Variants in VEPH1 observed in about 807,000 individuals in gnomAD.
The protein encoded by VEPH1 is ventricular zone-expressed PH domain-containing protein homolog 1.
A neutral mutation model predicts 85.2 loss-of-function variants in VEPH1; 80 were observed. The observed-to-expected ratio is 0.94, with a 90% CI of 0.78 to 1.13. The LOEUF (loss-of-function observed/expected upper bound fraction) is 1.13, where lower values mean the gene tolerates loss of function less well. Among genes scored for constraint, VEPH1 ranks in the 50% most tolerant of loss-of-function variants. VEPH1 has a pLI of 0.00. For missense variants in VEPH1, 955 were observed against 980.5 expected, an observed-to-expected ratio of 0.97 and a Z score of 0.35; for synonymous variants, 297 against 348.0, an observed-to-expected ratio of 0.85 and a Z score of 1.63.
intron 9 of VEPH1, among the ~76,000 whole-genome samples, chr3:157,332,325 C>T (rs1187026022): frequency 1.3e-5 from 2 of 152,154 alleles, no homozygotes. Context: ...CACCTATCAC[C>T]ACTATCTAGT....
Position 157,441,802 on chromosome 3 carries a change from TC to T in VEPH1, c.530-13315del, listed in dbSNP as rs1287965787. Reference sequence around the variant, plus strand: ...TCCAGCCTGGGTGACAGAGTGAGACTCTGTCTCAAAAAAAAAAAAAAATGTA... The same window carrying T: ...TCCAGCCTGGGTGACAGAGTGAGACTTGTCTCAAAAAAAAAAAAAAATGTA... On this transcript the variant is annotated intron_variant, in intron 4 of 13. Coordinates refer to ENST00000362010, the MANE Select transcript of VEPH1 (RefSeq NM_001167912.2). Among the ~76,000 whole-genome samples the T allele has an allele frequency of 2.1e-5, 3 of 142,724 alleles. No individual in the cohort carries two copies. In the East Asian group the frequency reaches 6.1e-4, roughly 29 times the overall value. 93.6% of individuals were successfully genotyped at this position (142,724 alleles called of 152,430 possible).
chr3:157,460,251 A>C lies in VEPH1; in HGVS notation c.459T>G (p.Ser153=), dbSNP rs374309031. 29 of 1,614,092 alleles carry C rather than the reference A, an allele frequency of 1.8e-5. 1 individual carries two copies. In the African/African-American group the frequency reaches 3.7e-4, roughly 21 times the overall value. The part of the protein sequence containing the change: ...ELCRNMSNYL[S]LAAITKADLL... Reference sequence around the variant, plus strand: ...GATCTGCCTTGGTAATTGCAGCCAGAGACAGGTAGTTAGACATATTCCTGC... The same window carrying C: ...GATCTGCCTTGGTAATTGCAGCCAGCGACAGGTAGTTAGACATATTCCTGC... Residue 153 remains serine (S), a synonymous_variant, in exon 4 of 14, where the codon TCT becomes TCG. Coordinates refer to ENST00000362010, the MANE Select transcript of VEPH1 (RefSeq NM_001167912.2).
intron 2 of VEPH1, among the ~76,000 whole-genome samples, chr3:157,494,337 GC>G (rs141846644): frequency 0.046 from 6,988 of 152,208 alleles, 532 homozygotes; most frequent in African/African-American, 0.16. Context: ...GAGTGTCTGT[GC>G]CAAGTGTTGG....
At chr3:157,363,230 T>G in intron 9 of VEPH1, 134 bp downstream of exon 9, 1 of 810,098 alleles carries the variant, frequency 1.2e-6, no homozygotes, top group Non-Finnish European at 1.9e-6. Flanking sequence ...TAACATAATG[T>G]AAGGTATTTA....
chr3:157,296,591 C>T (rs930043174), intron 11 of VEPH1, among the ~76,000 whole-genome samples: 1 of 152,190 alleles, frequency 6.6e-6, no homozygotes, highest in African/African-American at 2.4e-5. Flanking sequence ...ATAAACAGGT[C>T]TAAAGTACTA....
chr3:157,342,624 A>G (rs1375883102), intron 9 of VEPH1, among the ~76,000 whole-genome samples: 1 of 152,228 alleles, frequency 6.6e-6, no homozygotes, highest in Non-Finnish European at 1.5e-5. Context: ...TAAACGAGAC[A>G]GAAAGTTAAC....
At chr3:157,301,678 T>G (rs1276866686) in intron 11 of VEPH1, among the ~76,000 whole-genome samples, 3 of 152,224 alleles carry the variant, frequency 2.0e-5, no homozygotes, top group Non-Finnish European at 4.4e-5. Flanking sequence ...TCCAGTCCCA[T>G]ACAATTCCTT....
At chr3:157,316,971 A>C in intron 10 of VEPH1, 91 bp downstream of exon 10, 1 of 1,389,478 alleles carries the variant, frequency 7.2e-7, no homozygotes, top group Non-Finnish European at 9.6e-7. Flanking sequence ...CTACATATCA[A>C]CTCTGGCCAA....
intron 9 of VEPH1, among the ~76,000 whole-genome samples, chr3:157,331,873 C>G (rs555898330): frequency 7.6e-4 from 115 of 152,290 alleles, no homozygotes; most frequent in African/African-American, 2.6e-3. Context: ...GTCAGCTCAG[C>G]CCACAGTACA....
chr3:157,352,994 C>T (rs912971743), intron 9 of VEPH1, among the ~76,000 whole-genome samples: 1 of 152,136 alleles, frequency 6.6e-6, no homozygotes. Flanking sequence ...CTGTAATATA[C>T]TCTTGGGATA....
At chr3:157,403,283 A>C (rs1419417308) in intron 6 of VEPH1, among the ~76,000 whole-genome samples, 1 of 152,188 alleles carries the variant, frequency 6.6e-6, no homozygotes, top group Non-Finnish European at 1.5e-5. Flanking sequence ...ACAAGAACTT[A>C]AGCAATAGAA....
intron 9 of VEPH1, among the ~76,000 whole-genome samples, chr3:157,336,327 G>A (rs1474435034): frequency 6.6e-6 from 1 of 152,190 alleles, no homozygotes; most frequent in Non-Finnish European, 1.5e-5. Context: ...AACTCAGACA[G>A]TGACTGCATC....
At chr3:157,415,097 C>T (rs1315984427) in intron 5 of VEPH1, 1 of 152,214 alleles carries the variant, frequency 6.6e-6, no homozygotes, top group African/African-American at 2.4e-5. Flanking sequence ...ATCCACCTGG[C>T]TACTCAAACT....
chr3:157,317,748 T>G (rs1720895749), intron 9 of VEPH1, among the ~76,000 whole-genome samples: 2 of 152,172 alleles, frequency 1.3e-5, no homozygotes, highest in South Asian at 4.1e-4. Flanking sequence ...GAGATTATCC[T>G]TTAGGGACAA....
chr3:157,429,336 C>G (rs1732973678), intron 4 of VEPH1, among the ~76,000 whole-genome samples: 1 of 151,970 alleles, frequency 6.6e-6, no homozygotes, highest in African/African-American at 2.4e-5. Flanking sequence ...AAGCCATACA[C>G]AGAAAGAATC....
chr3:157,337,722 A>G (rs1723099777), intron 9 of VEPH1, among the ~76,000 whole-genome samples: 2 of 152,216 alleles, frequency 1.3e-5, no homozygotes, highest in Non-Finnish European at 2.9e-5. Flanking sequence ...CTGTGCTGTT[A>G]TAATAGATTC....
intron 3 of VEPH1, among the ~76,000 whole-genome samples, chr3:157,469,878 A>G (rs867617755): frequency 2.6e-5 from 4 of 152,288 alleles, no homozygotes; most frequent in Non-Finnish European, 4.4e-5. Flanking sequence ...CTCAATACAT[A>G]TAGAAATATG....
chr3:157,483,261 T>G lies in VEPH1; in HGVS notation c.138+11951A>C, dbSNP rs117456903. Among the ~76,000 whole-genome samples, 9 of 152,170 alleles carry G rather than the reference T, an allele frequency of 5.9e-5. No individual in the cohort carries two copies. The East Asian group carries it at 1.5e-3, about 26-fold the overall frequency. On this transcript the variant is annotated intron_variant, in intron 2 of 13. Transcript: ENST00000362010. The stretch of plus-strand genomic sequence containing the variant: ...CAAGTGAGCTCAGAACTGACAGTAT[T>G]GCTGGGATTCCTAGCAGAAGCAAAT...
intron 2 of VEPH1, among the ~76,000 whole-genome samples, chr3:157,492,024 A>G (rs1053731000): frequency 5.7e-4 from 86 of 152,106 alleles, no homozygotes; most frequent in Admixed American, 1.0e-3. Context: ...GGGAGCTTCA[A>G]TGAAGCCTTC....
Sources: allele counts gnomAD v4.1 joint callset (sites outside exome capture counted in the v4.1 genomes callset), GRCh38; gene constraint gnomAD v4.1.1; transcripts MANE v1.5; gene names NCBI Gene and HGNC (gene_info 2026-07-23, HGNC 2026-07-21).